RAP1A: variants seen among roughly 807,000 people sequenced by gnomAD.
RAP1A encodes the protein ras-related protein Rap-1A.
Under a neutral mutation model 26.4 loss-of-function variants are expected in RAP1A, and 6 were observed. The observed-to-expected ratio is 0.23, with a 90% CI of 0.12 to 0.45. RAP1A has a LOEUF of 0.45. RAP1A is among the 20% of genes least tolerant of loss of function. The pLI, the probability that RAP1A is intolerant of heterozygous loss-of-function variation, is 0.99. For missense variants in RAP1A, 121 were observed against 217.2 expected, an observed-to-expected ratio of 0.56 and a Z score of 2.78; for synonymous variants, 73 against 79.4, an observed-to-expected ratio of 0.92 and a Z score of 0.43.
At chr1:111,586,741 A>G (rs1658371816) in intron 1 of RAP1A, among the ~76,000 whole-genome samples, 1 of 152,230 alleles carries the variant, frequency 6.6e-6, no homozygotes, top group Admixed American at 6.5e-5. Flanking sequence ...ATGAAAGTAT[A>G]GATGAAAGGA....
intron 1 of RAP1A, among the ~76,000 whole-genome samples, chr1:111,548,505 T>C (rs1657121794): frequency 6.6e-6 from 1 of 152,232 alleles, no homozygotes; most frequent in African/African-American, 2.4e-5. Flanking sequence ...CTGGGCACAA[T>C]GGTTTTGGCA....
At chr1:111,655,652 C>G (rs924669054) in intron 1 of RAP1A, among the ~76,000 whole-genome samples, 2 of 128,452 alleles carry the variant, frequency 1.6e-5, no homozygotes, top group African/African-American at 5.8e-5. Flanking sequence ...TAAAAATGTT[C>G]ATAGTCTTTT....
chr1:111,617,018 G>A (rs1659025872), upstream of RAP1A, among the ~76,000 whole-genome samples: 1 of 152,206 alleles, frequency 6.6e-6, no homozygotes, highest in South Asian at 2.1e-4. Context: ...ATACGTGTGT[G>A]TGTGGGTATG....
At chr1:111,570,215 G>T (rs2101054782) in intron 1 of RAP1A, among the ~76,000 whole-genome samples, 1 of 152,266 alleles carries the variant, frequency 6.6e-6, no homozygotes, top group South Asian at 2.1e-4. Flanking sequence ...AAGCCTCAGA[G>T]GCCACGTAAG....
intron 1 of RAP1A, among the ~76,000 whole-genome samples, chr1:111,561,637 AT>A (rs1657742469): frequency 6.6e-6 from 1 of 152,152 alleles, no homozygotes; most frequent in South Asian, 2.1e-4. Context: ...ATCATAGGCC[AT>A]TACTCTTCTC....
chr1:111,706,747 C>T (rs1316772121), intron 6 of RAP1A: 25 of 984,366 alleles, frequency 2.5e-5, no homozygotes, highest in Non-Finnish European at 2.8e-5. Context: ...TTCGAACTTG[C>T]CCTCATCACT....
chr1:111,609,382 A>C (rs185609544), intron 1 of RAP1A, among the ~76,000 whole-genome samples: 1 of 152,254 alleles, frequency 6.6e-6, no homozygotes, highest in Non-Finnish European at 1.5e-5. Flanking sequence ...CTTTGGTAGC[A>C]AATGCTATTT....
intron 1 of RAP1A, among the ~76,000 whole-genome samples, chr1:111,547,334 G>A (rs193262586): frequency 6.6e-6 from 1 of 151,728 alleles, no homozygotes; most frequent in East Asian, 1.9e-4. Flanking sequence ...TGCTTTTTCT[G>A]TATCTATTGA....
At chr1:111,676,242 G>T (rs1661119560) in intron 1 of RAP1A, among the ~76,000 whole-genome samples, 1 of 152,104 alleles carries the variant, frequency 6.6e-6, no homozygotes, top group Non-Finnish European at 1.5e-5. Flanking sequence ...TGTAATCCCA[G>T]CTACTTGAGA....
At chr1:111,684,912 A>G (rs539595867) in intron 1 of RAP1A, among the ~76,000 whole-genome samples, 9 of 152,358 alleles carry the variant, frequency 5.9e-5, no homozygotes, top group East Asian at 3.9e-4. Context: ...CCAAAACAGC[A>G]TGGTACTGGT....
chr1:111,672,505 C>G (rs777411667), intron 1 of RAP1A, among the ~76,000 whole-genome samples: 4 of 151,866 alleles, frequency 2.6e-5, no homozygotes, highest in African/African-American at 9.7e-5. Context: ...CATCTTGAAG[C>G]CTTTATTATT....
At chr1:111,621,969 A>C (rs1237465333) in intron 1 of RAP1A, among the ~76,000 whole-genome samples, 1 of 152,250 alleles carries the variant, frequency 6.6e-6, no homozygotes, top group African/African-American at 2.4e-5. Context: ...AGTCCTTCTG[A>C]AAATGAATCC....
intron 1 of RAP1A, among the ~76,000 whole-genome samples, chr1:111,553,198 TG>T (rs1657341134): frequency 6.6e-6 from 1 of 152,220 alleles, no homozygotes; most frequent in South Asian, 2.1e-4. Context: ...ATTTGTTTAT[TG>T]TACAGTATAA....
intron 1 of RAP1A, among the ~76,000 whole-genome samples, chr1:111,580,876 C>CAACAA (rs2101060604): frequency 7.8e-6 from 1 of 129,016 alleles, no homozygotes; most frequent in East Asian, 2.3e-4. Flanking sequence ...AAAAAAAAAA[C>CAACAA]AACAAAAAAC....
Position 111,664,869 on chromosome 1 carries a change from A to G in RAP1A, c.-27-26465A>G, listed in dbSNP as rs150883977. On this transcript the variant is annotated intron_variant, in intron 1 of 7. Coordinates refer to ENST00000369709, the MANE Select transcript of RAP1A (RefSeq NM_002884.4). Reference sequence around the variant, plus strand: ...GATTTCTTACAGCACTTCCTGGCACATGGTAAGCACTCAGTAAATGTTTGC... The same window carrying G: ...GATTTCTTACAGCACTTCCTGGCACGTGGTAAGCACTCAGTAAATGTTTGC... 8.5e-3 allele frequency among the ~76,000 whole-genome samples: 1,295 copies of G among 152,316 alleles called. 25 individuals are homozygous for G. Among genetic ancestry groups the G allele is most frequent in the South Asian group, 0.052 (250 of 4,828 alleles).
Position 111,675,616 on chromosome 1 carries a change from G to T in RAP1A, c.-27-15718G>T, listed in dbSNP as rs374414356. ...CTCCTTTATAAGCTCCTTGAGGATG[G>T]AAAACACATACTTTTCATTTTTGTT... On this transcript the variant is annotated intron_variant, in intron 1 of 7. Transcript: ENST00000369709. Among the ~76,000 whole-genome samples, 30 of 152,248 alleles carry T rather than the reference G, an allele frequency of 2.0e-4. No individual in the cohort carries two copies. The East Asian group carries it at 2.5e-3, about 13-fold the overall frequency.
chr1:111,642,175 G>A (rs1274196356), intron 1 of RAP1A, among the ~76,000 whole-genome samples: 2 of 152,066 alleles, frequency 1.3e-5, no homozygotes, highest in African/African-American at 4.8e-5. Flanking sequence ...AACCCGGGAG[G>A]CGGAGGTTGC....
At chr1:111,571,554 G>C (rs541892136) in intron 1 of RAP1A, among the ~76,000 whole-genome samples, 1 of 152,112 alleles carries the variant, frequency 6.6e-6, no homozygotes, top group African/African-American at 2.4e-5. Flanking sequence ...AAGTTCCAAG[G>C]GTTTTAGGAA....
intron 1 of RAP1A, among the ~76,000 whole-genome samples, chr1:111,605,148 G>A (rs1658746247): frequency 6.6e-6 from 1 of 152,182 alleles, no homozygotes; most frequent in Admixed American, 6.5e-5. Flanking sequence ...TGAAGTGCAG[G>A]GCATGACTGG....
Sources: gnomAD v4.1 joint callset for allele counts (sites outside exome capture counted in the v4.1 genomes callset) on GRCh38, gnomAD v4.1.1 for gene constraint, MANE v1.5 for transcripts, NCBI Gene and HGNC (gene_info 2026-07-23, HGNC 2026-07-21) for gene names.